Variants in ADAM2 observed in about 807,000 individuals in gnomAD.
ADAM2 encodes the protein disintegrin and metalloproteinase domain-containing protein 2.
A neutral mutation model predicts 99.3 loss-of-function variants in ADAM2; 101 were observed. The ratio of observed to expected loss-of-function variants is 1.02; its 90% CI spans 0.87 to 1.20. ADAM2 has a LOEUF of 1.20. Ranked by LOEUF, ADAM2 falls within the 50% of genes most tolerant of loss-of-function variation. The pLI, the probability that ADAM2 is intolerant of heterozygous loss-of-function variation, is 0.00. For missense variants in ADAM2, 948 were observed against 878.7 expected (o/e 1.08, Z -1.00); for synonymous variants, 323 against 287.6 (o/e 1.12, Z -1.25).
chr8:39,824,284 A>T (rs553936755), intron 4 of ADAM2, among the ~76,000 whole-genome samples: 1 of 151,886 alleles, frequency 6.6e-6, no homozygotes, highest in Non-Finnish European at 1.5e-5. Context: ...CAAAAAAAAA[A>T]AAAAAAAAAA....
At chr8:39,754,441 G>T (rs1193234003) in intron 16 of ADAM2, among the ~76,000 whole-genome samples, 4 of 152,124 alleles carry the variant, frequency 2.6e-5, no homozygotes, top group African/African-American at 9.7e-5. Flanking sequence ...CCCATTTCCT[G>T]TGCAATTCCT....
At chr8:39,746,402 C>T (rs550184632) in intron 19 of ADAM2, 70 bp downstream of exon 19, 25 of 1,016,172 alleles carry the variant, frequency 2.5e-5, no homozygotes, top group Non-Finnish European at 3.1e-5. Context: ...CTCATTACAT[C>T]GACCACATTG....
At chr8:39,803,086 A>G (rs1447542741) in intron 7 of ADAM2, among the ~76,000 whole-genome samples, 6 of 152,210 alleles carry the variant, frequency 3.9e-5, no homozygotes, top group Admixed American at 3.3e-4. Context: ...TGAGAGCAAC[A>G]GAAAAGATCG....
chr8:39,821,593 C>T lies in ADAM2; in HGVS notation c.337G>A (p.Gly113Arg), dbSNP rs760693378. The T allele has an allele frequency of 2.5e-6, 4 of 1,593,886 alleles. No individual in the cohort carries two copies. Among genetic ancestry groups the T allele is most frequent in the Admixed American group, 3.3e-5 (2 of 59,880 alleles). The change falls in exon 5 of 21, where the codon GGA becomes AGA. Residue 113 changes from glycine to arginine, a missense_variant. Coordinates refer to ENST00000265708, the MANE Select transcript of ADAM2 (RefSeq NM_001464.5). Reference sequence around the variant, plus strand: ...AAAACAGTAAATTACAACCTGAGTCCAGTACATGTGCTAACCATCACCACA... The same window carrying T: ...AAAACAGTAAATTACAACCTGAGTCTAGTACATGTGCTAACCATCACCACA... ...KSVVMVSTCTGLRGVLQFENV... is the reference protein window; with the variant it reads ...KSVVMVSTCTRLRGVLQFENV...
intron 6 of ADAM2, 71 bp from the exon 7 acceptor site, chr8:39,809,537 A>G (rs1272620938): frequency 8.6e-6 from 6 of 695,700 alleles, no homozygotes; most frequent in African/African-American, 1.8e-5. Flanking sequence ...TGTCACTACT[A>G]TTAATGAACT....
chr8:39,793,203 A>G (rs1418771963), intron 7 of ADAM2, among the ~76,000 whole-genome samples: 4 of 152,122 alleles, frequency 2.6e-5, no homozygotes, highest in Admixed American at 1.3e-4. Flanking sequence ...AGCAAATGAT[A>G]GTATTTAGGT....
intron 6 of ADAM2, among the ~76,000 whole-genome samples, chr8:39,819,280 A>C (rs1439101376): frequency 6.6e-6 from 1 of 152,114 alleles, no homozygotes; most frequent in Admixed American, 6.6e-5. Flanking sequence ...ATGAGGAAAA[A>C]ATAATCTCTT....
intron 11 of ADAM2, among the ~76,000 whole-genome samples, chr8:39,771,143 G>A (rs1436712358): frequency 6.6e-6 from 1 of 152,122 alleles, no homozygotes; most frequent in Non-Finnish European, 1.5e-5. Context: ...CAAATAGGTG[G>A]ACCTCTTACT....
intron 4 of ADAM2, 44 bp downstream of exon 4, chr8:39,824,775 A>T: frequency 1.0e-6 from 1 of 992,360 alleles, no homozygotes; most frequent in Non-Finnish European, 1.6e-6. Context: ...AGGTGATCAT[A>T]GACACTCACA....
At chr8:39,832,093 C>T (rs1299803081) in intron 3 of ADAM2, among the ~76,000 whole-genome samples, 1 of 152,100 alleles carries the variant, frequency 6.6e-6, no homozygotes, top group Non-Finnish European at 1.5e-5. Flanking sequence ...TGGTGTTACT[C>T]TAAATATCCT....
chr8:39,766,409 G>T (rs181188020), intron 14 of ADAM2, among the ~76,000 whole-genome samples: 15 of 150,456 alleles, frequency 1.0e-4, no homozygotes, highest in Middle Eastern at 3.4e-3. Context: ...TTAATTTCTA[G>T]CTACTGATAT....
chr8:39,833,859 T>C (rs1805711706), intron 3 of ADAM2, 85 bp downstream of exon 3: 1 of 786,522 alleles, frequency 1.3e-6, no homozygotes. Context: ...TATTTTCAAA[T>C]ACAAAATAAT....
At chr8:39,783,545 G>A (rs1279643061) in intron 10 of ADAM2, among the ~76,000 whole-genome samples, 1 of 151,900 alleles carries the variant, frequency 6.6e-6, no homozygotes, top group Non-Finnish European at 1.5e-5. Flanking sequence ...GGACCAAATT[G>A]TCTCCCTCCC....
chr8:39,809,292 T>C (rs902203313), intron 7 of ADAM2, 118 bp downstream of exon 7: 4 of 583,072 alleles, frequency 6.9e-6, no homozygotes, highest in Non-Finnish European at 9.2e-6. Flanking sequence ...TTAAAGTGCA[T>C]TAATGCAGAG....
chr8:39,825,678 A>G (rs1805369439), intron 3 of ADAM2, among the ~76,000 whole-genome samples: 2 of 152,118 alleles, frequency 1.3e-5, no homozygotes, highest in East Asian at 1.9e-4. Context: ...TAAAGTTTCA[A>G]GAAAAAAGGA....
chr8:39,781,250 G>C (rs1461137728), intron 10 of ADAM2, among the ~76,000 whole-genome samples: 1 of 152,030 alleles, frequency 6.6e-6, no homozygotes, highest in Non-Finnish European at 1.5e-5. Context: ...ATATACACAT[G>C]TATTGGGGAA....
At chr8:39,749,281 A>T in intron 18 of ADAM2, 31 bp downstream of exon 18, 1 of 1,547,746 alleles carries the variant, frequency 6.5e-7, no homozygotes, top group African/African-American at 1.4e-5. Context: ...ATTATGTTTT[A>T]ATTATTTTCT....
intron 7 of ADAM2, among the ~76,000 whole-genome samples, chr8:39,805,610 T>A (rs1348318521): frequency 6.6e-6 from 1 of 152,178 alleles, no homozygotes; most frequent in East Asian, 1.9e-4. Context: ...AATGGGAATT[T>A]GTGGCATTTT....
chr8:39,800,458 GT>G (rs1217141711), intron 7 of ADAM2, among the ~76,000 whole-genome samples: 3 of 152,036 alleles, frequency 2.0e-5, no homozygotes, highest in Non-Finnish European at 2.9e-5. Context: ...GCCCTTAACA[GT>G]TTTTCCTTCA....
Sources: allele counts gnomAD v4.1 joint callset (sites outside exome capture counted in the v4.1 genomes callset), GRCh38; gene constraint gnomAD v4.1.1; transcripts MANE v1.5; gene names NCBI Gene and HGNC (gene_info 2026-07-23, HGNC 2026-07-21).